Variants in KIF1B observed in about 807,000 individuals in gnomAD.
KIF1B encodes the protein kinesin-like protein KIF1B.
Under a neutral mutation model 241.9 loss-of-function variants are expected in KIF1B, and 76 were observed. That is an observed-to-expected ratio of 0.31 (90% CI 0.26 to 0.38). The LOEUF (loss-of-function observed/expected upper bound fraction) is 0.38. Among genes scored for constraint, KIF1B ranks in the 10% least tolerant of loss-of-function variants. The pLI is 1.00. For missense variants in KIF1B, 1,622 were observed against 2,271.4 expected (o/e 0.71, Z 5.81); for synonymous variants, 750 against 796.7 (o/e 0.94, Z 0.99).
chr1:10,264,077 C>T lies in KIF1B; in HGVS notation c.429+2107C>T, dbSNP rs1305717114. Among the ~76,000 whole-genome samples, 10 of 152,302 alleles carry T rather than the reference C, an allele frequency of 6.6e-5. No homozygotes were observed. The East Asian group carries it at 1.5e-3, about 23-fold the overall frequency. On this transcript the variant is annotated intron_variant, in intron 5 of 48. Transcript: ENST00000676179. The stretch of plus-strand genomic sequence containing the variant: ...CTCTCAGTGAGGCTTACCTTGACCA[C>T]CTTATTTAATATTGTATCTTGCCCT...
At position 10,349,966 on chromosome 1, in the gene KIF1B, T is replaced by C. The variant is rs559759450; in HGVS notation, c.3949+1233T>C. Among the ~76,000 whole-genome samples, 297 of 152,364 alleles carry C rather than the reference T, an allele frequency of 1.9e-3. 1 individual carries two copies. The highest frequency in any genetic ancestry group is 6.8e-3 in the African/African-American group (284 of 41,586). On this transcript the variant is annotated intron_variant, in intron 37 of 48. Coordinates refer to ENST00000676179, the MANE Select transcript of KIF1B (RefSeq NM_001365951.3). The stretch of plus-strand genomic sequence containing the variant: ...AACAAGATTTAGCAGTTATTCTAAT[T>C]ACCATAATTTCCAAGTAGTGATCAA...
chr1:10,257,113 T>TG (rs970621039), intron 3 of KIF1B, among the ~76,000 whole-genome samples: 2 of 151,810 alleles, frequency 1.3e-5, no homozygotes, highest in Non-Finnish European at 2.9e-5. Context: ...ATTGTTTTTT[T>TG]TTTGTTTGTT....
chr1:10,326,774 G>A lies in KIF1B; in HGVS notation c.2924+415G>A, dbSNP rs1425994317. 1.3e-5 allele frequency among the ~76,000 whole-genome samples: 2 copies of A among 152,092 alleles called. No individual in the cohort carries two copies. Among genetic ancestry groups the A allele is most frequent in the African/African-American group, 4.8e-5 (2 of 41,424 alleles). ...AGCATATGGAGGTAACATGAGAGAG[G>A]GGGCAGAGTGAGGCCAAGGTTTGGC... On this transcript the variant is annotated intron_variant, in intron 27 of 48. Coordinates refer to ENST00000676179, the MANE Select transcript of KIF1B (RefSeq NM_001365951.3). This position sits in a 1 kb window ranked among gnomAD's most constrained non-coding sequence, Gnocchi z 5.2.
At chr1:10,211,310 G>C (rs530674901) in intron 1 of KIF1B, among the ~76,000 whole-genome samples, 15 of 152,254 alleles carry the variant, frequency 9.9e-5, no homozygotes, top group Non-Finnish European at 1.8e-4. Context: ...GGCTGGGAAT[G>C]TGGTTATGCC....
At chr1:10,368,143 A>G (rs1638626937) in intron 43 of KIF1B, among the ~76,000 whole-genome samples, 1 of 152,164 alleles carries the variant, frequency 6.6e-6, no homozygotes, top group African/African-American at 2.4e-5. Context: ...ACTTAGTTCT[A>G]ATTTCTAGAG....
At chr1:10,280,551 C>T (rs1439334900) in intron 14 of KIF1B, among the ~76,000 whole-genome samples, 1 of 152,038 alleles carries the variant, frequency 6.6e-6, no homozygotes. Context: ...TTGCTTATTT[C>T]TACAGTAAGG....
At chr1:10,235,959 G>GT (rs1339349608) in intron 2 of KIF1B, among the ~76,000 whole-genome samples, 3 of 151,036 alleles carry the variant, frequency 2.0e-5, no homozygotes, top group Admixed American at 6.6e-5. Context: ...ACCTTGGGAT[G>GT]TAAGATTTAA....
chr1:10,317,162 C>T (rs1480553484), intron 22 of KIF1B, among the ~76,000 whole-genome samples: 1 of 151,652 alleles, frequency 6.6e-6, no homozygotes, highest in Admixed American at 6.6e-5. Context: ...CTGAAATGAA[C>T]AGGTGCATGC....
chr1:10,240,916 G>C (rs953934207), intron 2 of KIF1B, among the ~76,000 whole-genome samples: 4 of 151,762 alleles, frequency 2.6e-5, no homozygotes, highest in Non-Finnish European at 1.5e-5. Flanking sequence ...GCTTAATATT[G>C]TATTCTATTT....
chr1:10,256,434 G>A (rs1376295272), intron 3 of KIF1B, 111 bp downstream of exon 3: 9 of 782,302 alleles, frequency 1.2e-5, no homozygotes, highest in Middle Eastern at 4.5e-4. Flanking sequence ...CTTAACTGTT[G>A]TGTAGCATGA....
chr1:10,355,859 A>C (rs1272907458), intron 38 of KIF1B, among the ~76,000 whole-genome samples: 1 of 152,156 alleles, frequency 6.6e-6, no homozygotes, highest in Non-Finnish European at 1.5e-5. Flanking sequence ...GGCTATTTGG[A>C]TAGCTGAGTC....
chr1:10,324,038 A>G lies in KIF1B; in HGVS notation c.2513A>G (p.His838Arg). The change falls in exon 25 of 49, where the codon CAC (histidine) becomes CGC (arginine). Residue 838 changes from histidine (H) to arginine (R), a missense_variant. By Grantham distance (29) the His-to-Arg change is conservative. Coordinates refer to ENST00000676179, the MANE Select transcript of KIF1B (RefSeq NM_001365951.3). ...CAGGATTTGAAGAATGGAGCAACAC[A>G]CTATTGGTCTTTGGAGAAACTCAAG... The part of the protein sequence containing the change: ...EVQDLKNGAT[H>R]YWSLEKLKQR... The G allele has an allele frequency of 4.3e-6, 7 of 1,614,120 alleles. No individual in the cohort carries two copies. The highest frequency in any genetic ancestry group is 1.3e-5 in the African/African-American group (1 of 75,016).
At chr1:10,325,033 C>A in intron 26 of KIF1B, 138 bp downstream of exon 26, 1 of 899,406 alleles carries the variant, frequency 1.1e-6, no homozygotes, top group South Asian at 1.4e-5. Context: ...TATCCACTCA[C>A]AACCACTGCG....
intron 5 of KIF1B, among the ~76,000 whole-genome samples, chr1:10,266,871 C>T (rs770275007): frequency 6.6e-5 from 10 of 152,140 alleles, no homozygotes; most frequent in Admixed American, 1.3e-4. Context: ...ATTACCTGTG[C>T]GTATTGTTAA....
chr1:10,299,362 G>A (rs992997824), intron 22 of KIF1B, among the ~76,000 whole-genome samples: 2 of 152,200 alleles, frequency 1.3e-5, no homozygotes, highest in African/African-American at 4.8e-5. Flanking sequence ...GCTTCTTAAA[G>A]CAAGGAAGTT....
chr1:10,306,524 TC>T (rs1263948953), intron 22 of KIF1B: 9 of 709,800 alleles, frequency 1.3e-5, no homozygotes, highest in Non-Finnish European at 1.6e-5. Context: ...AGCAGGAGGA[TC>T]CCTAGAGCCC....
intron 18 of KIF1B, 41 bp from the exon 19 acceptor site, chr1:10,295,619 G>C: frequency 6.4e-7 from 1 of 1,553,148 alleles, no homozygotes; most frequent in Non-Finnish European, 8.9e-7. Context: ...AGTGCTTTCT[G>C]TGTCTGAATT....
At chr1:10,219,153 T>C (rs1185116984) in intron 1 of KIF1B, among the ~76,000 whole-genome samples, 4 of 152,184 alleles carry the variant, frequency 2.6e-5, no homozygotes, top group African/African-American at 9.6e-5. Flanking sequence ...AAAATTGTTA[T>C]AAACATCCTG....
rs1638843925 is a variant in KIF1B, at chr1:10,375,041, G to A, written c.5284G>A (p.Val1762Met). The change falls in exon 47 of 49, where the codon GTG becomes ATG. Residue 1762 changes from valine to methionine, a missense_variant. Transcript: ENST00000676179. ...GTACAGTGAGGACCAGCAGGCCATG[G>A]TGAAGGTCCGTCCTGCCCTGCCTTG... ...VEYSEDQQAM[V>M]KTPNTFAVCT... The A allele has an allele frequency of 1.2e-6, 2 of 1,614,092 alleles. No homozygotes were observed. The highest frequency in any genetic ancestry group is 4.5e-5 in the East Asian group (2 of 44,886).
Sources: gnomAD v4.1 joint callset for allele counts (sites outside exome capture counted in the v4.1 genomes callset) on GRCh38, gnomAD v4.1.1 for gene constraint, Gnocchi (gnomAD v3.1) non-coding constraint, MANE v1.5 for transcripts, NCBI Gene and HGNC (gene_info 2026-07-23, HGNC 2026-07-21) for gene names.